Variants in CADM2 observed in about 807,000 individuals in gnomAD.
The protein encoded by CADM2 is cell adhesion molecule 2.
Under a neutral mutation model 49.8 loss-of-function variants are expected in CADM2, and 12 were observed. That is an observed-to-expected ratio of 0.24 (90% CI 0.15 to 0.39). The LOEUF (loss-of-function observed/expected upper bound fraction) is 0.39. CADM2 is among the 10% of genes least tolerant of loss of function. The pLI, the probability that CADM2 is intolerant of heterozygous loss-of-function variation, is 1.00. For synonymous variants in CADM2, 214 were observed against 175.4 expected, an observed-to-expected ratio of 1.22 and a Z score of -1.74; for missense variants, 378 against 492.3, an observed-to-expected ratio of 0.77 and a Z score of 2.20.
intron 1 of CADM2, among the ~76,000 whole-genome samples, chr3:85,163,092 A>T (rs1057323047): frequency 6.6e-6 from 1 of 152,082 alleles, no homozygotes; most frequent in Admixed American, 6.6e-5. Flanking sequence ...TTTATGCAAC[A>T]CAGTCATGTT....
At chr3:85,579,588 A>G (rs2062735377) in intron 1 of CADM2, among the ~76,000 whole-genome samples, 1 of 152,170 alleles carries the variant, frequency 6.6e-6, no homozygotes, top group Admixed American at 6.6e-5. Context: ...TATTCTGAGT[A>G]ATTACACTTA....
intron 1 of CADM2, among the ~76,000 whole-genome samples, chr3:85,491,897 A>G (rs1315109227): frequency 6.6e-6 from 1 of 150,560 alleles, no homozygotes; most frequent in Non-Finnish European, 1.5e-5. Flanking sequence ...GCTTGCAGTG[A>G]GCGGAGATCG....
rs1218341503 is a variant in CADM2, at chr3:85,568,457, T to TTC, written c.62-158063_62-158062dup. 8.9e-3 allele frequency among the ~76,000 whole-genome samples: 320 copies of TTC among 35,926 alleles called. 14 individuals are homozygous for TTC. The highest frequency in any genetic ancestry group is 0.029 in the African/African-American group (295 of 10,016). 23.6% of individuals were successfully genotyped at this position (35,926 alleles called of 152,430 possible). ...TTTCTTTCTTTCTTTCTTTCTTTCT[T>TTC]TCTTTCTCTTTCTCTCTCTTTCTTT... On this transcript the variant is annotated intron_variant, in intron 1 of 9. Coordinates refer to ENST00000383699, the MANE Select transcript of CADM2 (RefSeq NM_001167675.2).
rs1553742867 is a variant in CADM2, at chr3:85,563,411, T to TTG, written c.62-163111_62-163110insTG. On this transcript the variant is annotated intron_variant, in intron 1 of 9. Transcript: ENST00000383699. ...AAAACAGGGAATTTTTGTGTGTGTG[T>TTG]GGGGGGGTGGTAATTTAGCTAAAAT... Among the ~76,000 whole-genome samples, 26 of 142,044 alleles carry TTG rather than the reference T, an allele frequency of 1.8e-4. 1 individual carries two copies. The highest frequency in any genetic ancestry group is 1.1e-3 in the Admixed American group (16 of 13,930). The allele number at this position is 142,044 out of a possible 152,430, so 93.2% of individuals were successfully genotyped here.
chr3:85,228,413 A>C (rs2042209448), intron 1 of CADM2, among the ~76,000 whole-genome samples: 1 of 151,028 alleles, frequency 6.6e-6, no homozygotes, highest in Non-Finnish European at 1.5e-5. Flanking sequence ...TGCTTGATTG[A>C]TTTAACTATT....
At position 85,775,711 on chromosome 3, in the gene CADM2, C is replaced by T. The variant is rs1448387355; in HGVS notation, c.89-26336C>T. On this transcript the variant is annotated intron_variant, in intron 2 of 9. Transcript: ENST00000383699. ...TTTTACAAGATTACTAGAGGTTGATCTTCCATTATTTCAGTTATATACAAT... is the reference window on the plus strand; with the variant it reads ...TTTTACAAGATTACTAGAGGTTGATTTTCCATTATTTCAGTTATATACAAT... Among the ~76,000 whole-genome samples, 6 of 151,852 alleles carry T rather than the reference C, an allele frequency of 4.0e-5. No individual in the cohort carries two copies. The South Asian group carries it at 8.3e-4, about 21-fold the overall frequency.
intron 1 of CADM2, among the ~76,000 whole-genome samples, chr3:85,106,704 C>A (rs191123158): frequency 2.3e-4 from 34 of 151,052 alleles, no homozygotes; most frequent in Admixed American, 1.3e-3. Context: ...GGAAACGTAG[C>A]CTTGCCTGAT....
intron 1 of CADM2, among the ~76,000 whole-genome samples, chr3:85,274,440 GAGCAGC>G (rs535194657): frequency 2.0e-5 from 3 of 151,382 alleles, no homozygotes; most frequent in African/African-American, 7.3e-5. Flanking sequence ...ATGTAGCAGA[GAGCAGC>G]AACCTGAAAT....
intron 8 of CADM2, among the ~76,000 whole-genome samples, chr3:85,968,972 A>G (rs1725791201): frequency 6.6e-6 from 1 of 151,518 alleles, no homozygotes; most frequent in Admixed American, 6.6e-5. Flanking sequence ...TTTTTCCTTG[A>G]TTCTATTCTA....
At chr3:85,356,418 A>G (rs1018549364) in intron 1 of CADM2, among the ~76,000 whole-genome samples, 3 of 152,144 alleles carry the variant, frequency 2.0e-5, no homozygotes, top group Admixed American at 6.6e-5. Context: ...ACAGAATTCC[A>G]GGAGTCAGAG....
chr3:85,440,740 T>C (rs895113159), intron 1 of CADM2, among the ~76,000 whole-genome samples: 2 of 152,088 alleles, frequency 1.3e-5, no homozygotes, highest in Non-Finnish European at 2.9e-5. Context: ...CCCAGTACTT[T>C]GGGAGGCTGA....
In CADM2 at chr3:85,922,468, A is replaced by G. The variant is rs188884700; in HGVS notation, c.700+9925A>G. On this transcript the variant is annotated intron_variant, in intron 6 of 9. Transcript: ENST00000383699. ...AAAAGGAGAGTGAACAACAAATTTT[A>G]TTAGAACTTTCAATACAAAATTTAA... 1.2e-3 allele frequency among the ~76,000 whole-genome samples: 189 copies of G among 152,200 alleles called. 3 individuals are homozygous for G. The highest frequency in any genetic ancestry group is 3.4e-3 in the Middle Eastern group (1 of 294).
At position 85,182,852 on chromosome 3, in the gene CADM2, A is replaced by G. The variant is rs1232402554; in HGVS notation, c.61+223184A>G. On this transcript the variant is annotated intron_variant, in intron 1 of 9. Transcript: ENST00000383699. ...TTTTTCTTGTAAAATTCTCATTTTT[A>G]ATCTGCAGTGAAGTATTAACCTATC... Among the ~76,000 whole-genome samples the G allele has an allele frequency of 4.6e-5, 7 of 152,082 alleles. No individual in the cohort carries two copies. The East Asian group carries it at 1.2e-3, about 25-fold the overall frequency.
intron 1 of CADM2, among the ~76,000 whole-genome samples, chr3:85,235,253 A>G (rs1350490706): frequency 1.3e-5 from 2 of 152,098 alleles, no homozygotes. Context: ...GATCACAATT[A>G]TTTGCTATAT....
chr3:85,477,163 C>CA (rs2039008460), intron 1 of CADM2, among the ~76,000 whole-genome samples: 1 of 150,150 alleles, frequency 6.7e-6, no homozygotes, highest in South Asian at 2.1e-4. Flanking sequence ...ACCACACTGT[C>CA]AAAAAACCAT....
chr3:85,446,694 C>T (rs2037471986), intron 1 of CADM2, among the ~76,000 whole-genome samples: 2 of 149,792 alleles, frequency 1.3e-5, no homozygotes, highest in African/African-American at 2.4e-5. Flanking sequence ...CCTCCCCATC[C>T]CAGGTTCAAG....
At chr3:84,986,858 C>A (rs541537538) in intron 1 of CADM2, among the ~76,000 whole-genome samples, 3 of 151,786 alleles carry the variant, frequency 2.0e-5, no homozygotes, top group Non-Finnish European at 4.4e-5. Flanking sequence ...TCAAGACCAC[C>A]CTGACCAACA....
intron 1 of CADM2, among the ~76,000 whole-genome samples, chr3:85,570,083 T>G (rs2062432095): frequency 6.6e-6 from 1 of 152,194 alleles, no homozygotes; most frequent in Non-Finnish European, 1.5e-5. Flanking sequence ...TAAGCTAGAT[T>G]ACTTTTGTGA....
intron 1 of CADM2, among the ~76,000 whole-genome samples, chr3:85,423,731 C>T (rs1026398526): frequency 6.6e-6 from 1 of 152,172 alleles, no homozygotes; most frequent in South Asian, 2.1e-4. Context: ...TAACATCCAA[C>T]AGCATGCACG....
Sources: allele counts gnomAD v4.1 joint callset (sites outside exome capture counted in the v4.1 genomes callset), GRCh38; gene constraint gnomAD v4.1.1; transcripts MANE v1.5; gene names NCBI Gene and HGNC (gene_info 2026-07-23, HGNC 2026-07-21).